The following SPTSSA variants were observed in gnomAD, a reference collection of about 807,000 sequenced individuals.
SPTSSA encodes small subunit of serine palmitoyltransferase A.
Under a neutral mutation model 9.1 loss-of-function variants are expected in SPTSSA, and 8 were observed. That is an observed-to-expected ratio of 0.88 (90% CI 0.51 to 1.58). The LOEUF (loss-of-function observed/expected upper bound fraction) is 1.58. SPTSSA is among the 40% of genes most tolerant of loss of function. The probability of loss-of-function intolerance (pLI) is 0.00; values close to 1 mark genes in which losing one functional copy is unlikely to be tolerated. For missense variants in SPTSSA, 100 were observed against 93.8 expected (o/e 1.07, Z -0.27); for synonymous variants, 42 against 37.7 (o/e 1.11, Z -0.41).
At chr14:34,457,837 G>A (rs1878514376) in intron 1 of SPTSSA, among the ~76,000 whole-genome samples, 1 of 151,832 alleles carries the variant, frequency 6.6e-6, no homozygotes, top group African/African-American at 2.4e-5. Flanking sequence ...GCTGGGCATG[G>A]TGGCACGGCC....
In SPTSSA at chr14:34,456,948, A is replaced by AATTATTATTATTATT. The variant is rs201859323; in HGVS notation, c.112+5133_112+5147dup. Among the ~76,000 whole-genome samples, 1,425 of 146,168 alleles carry AATTATTATTATTATT rather than the reference A, an allele frequency of 9.7e-3. 24 individuals carry two copies. Among genetic ancestry groups the AATTATTATTATTATT allele is most frequent in the African/African-American group, 0.032 (1,282 of 39,862 alleles). ...ATTAAAATAGCACACTTCTGATTCAAATTATTATTATTATTATTATTATTA... is the reference window on the plus strand; with the variant it reads ...ATTAAAATAGCACACTTCTGATTCAAATTATTATTATTATTATTATTATTATTATTATTATTATTA... On this transcript the variant is annotated intron_variant, in intron 1 of 1. Transcript: ENST00000298130.
chr14:34,451,740 C>CAAAAA (rs1883531094), intron 1 of SPTSSA, among the ~76,000 whole-genome samples: 1 of 142,788 alleles, frequency 7.0e-6, no homozygotes, highest in African/African-American at 2.6e-5. Context: ...AAAAAAAAAT[C>CAAAAA]AATTCTAAAA....
At chr14:34,456,220 G>A (rs1042730477) in intron 1 of SPTSSA, among the ~76,000 whole-genome samples, 2 of 151,984 alleles carry the variant, frequency 1.3e-5, no homozygotes, top group African/African-American at 4.8e-5. Flanking sequence ...TACTTGGGAG[G>A]CTGAGGCAGA....
At chr14:34,446,754 TTC>T (rs1484566658) in intron 1 of SPTSSA, among the ~76,000 whole-genome samples, 1 of 152,188 alleles carries the variant, frequency 6.6e-6, no homozygotes, top group African/African-American at 2.4e-5. Flanking sequence ...CTCTAGCACA[TTC>T]TACTTTAAAG....
rs112750660 is a variant in SPTSSA at position 34,460,287 on chromosome 14, C to A, written c.112+1809G>T. Among the ~76,000 whole-genome samples the A allele has an allele frequency of 7.4e-4, 113 of 151,954 alleles. 1 individual carries two copies. Among genetic ancestry groups the A allele is most frequent in the African/African-American group, 2.6e-3 (106 of 41,426 alleles). On this transcript the variant is annotated intron_variant, in intron 1 of 1. Coordinates refer to ENST00000298130, the MANE Select transcript of SPTSSA (RefSeq NM_138288.4). ...GAAATTTGAAATAAGATTTTTTTAT[C>A]TTAAGTTTAAAATCATAAGGTTCTA...
intron 1 of SPTSSA, among the ~76,000 whole-genome samples, chr14:34,458,993 C>T (rs1878554167): frequency 1.3e-5 from 2 of 151,276 alleles, no homozygotes. Context: ...CAACCTCCGC[C>T]TCCCGGGTTC....
At chr14:34,449,588 C>T (rs1883483469) in intron 1 of SPTSSA, among the ~76,000 whole-genome samples, 1 of 151,318 alleles carries the variant, frequency 6.6e-6, no homozygotes, top group Non-Finnish European at 1.5e-5. Flanking sequence ...CTGTAACCTC[C>T]ACCTCCCAGG....
At chr14:34,435,362 A>G in intron 1 of SPTSSA, 58 bp from the exon 2 acceptor site, 1 of 1,259,924 alleles carries the variant, frequency 7.9e-7, no homozygotes, top group Non-Finnish European at 1.1e-6. Context: ...AAATCTCCAC[A>G]TGTCTTCAAC....
At position 34,435,247 on chromosome 14, in the gene SPTSSA, G is replaced by A. The variant is rs1228147422; in HGVS notation, c.170C>T (p.Pro57Leu). Residue 57 changes from proline (P) to leucine (L), a missense_variant, in exon 2 of 2, where the codon CCC becomes CTC. Transcript: ENST00000298130. ...GTGCAATATCGCCATGATGTGCTGGGGCATGAAGACGTATCCTGTGTATAG... is the reference window on the plus strand; with the variant it reads ...GTGCAATATCGCCATGATGTGCTGGAGCATGAAGACGTATCCTGTGTATAG... ...MALYTGYVFM[P>L]QHIMAILHYF... 3 of 1,613,618 alleles carry A rather than the reference G, an allele frequency of 1.9e-6. No homozygotes were observed. The African/African-American group carries it at 4.0e-5, about 22-fold the overall frequency.
intron 1 of SPTSSA, among the ~76,000 whole-genome samples, chr14:34,448,968 C>T (rs1187578625): frequency 6.6e-6 from 1 of 151,936 alleles, no homozygotes; most frequent in East Asian, 1.9e-4. Context: ...CGGCTGTACT[C>T]CAGCCTGGAT....
At chr14:34,443,550 T>TGTGTGTGTGTGTGTGTGTGTGTGTGTG (rs1555314418) in intron 1 of SPTSSA, among the ~76,000 whole-genome samples, 5 of 91,036 alleles carry the variant, frequency 5.5e-5, no homozygotes, top group Admixed American at 1.2e-4. Flanking sequence ...TGTGTGTGTG[T>TGTGTGTGTGTGTGTGTGTGTGTGTGTG]TTTGAGATGG....
Position 34,443,134 on chromosome 14 carries a change from G to GGTGTGTGT in SPTSSA, c.113-7838_113-7831dup, listed in dbSNP as rs376742613. ...TTCAAGCGATTCTCCTGCTTCTAGG[G>GGTGTGTGT]GTGTGTGTGTGTGTGTGTGTGTGTG... is the stretch of plus-strand genomic sequence containing the variant. On this transcript the variant is annotated intron_variant, in intron 1 of 1. Transcript: ENST00000298130. 4.0e-3 allele frequency among the ~76,000 whole-genome samples: 147 copies of GGTGTGTGT among 36,974 alleles called. 18 individuals are homozygous for GGTGTGTGT. Among genetic ancestry groups the GGTGTGTGT allele is most frequent in the African/African-American group, 5.3e-3 (23 of 4,318 alleles). The allele number at this position is 36,974 out of a possible 152,430, so 24.3% of individuals were successfully genotyped here. A position where few individuals can be genotyped will look rare whatever the true frequency, so the allele number is the denominator to read the frequency against.
At chr14:34,461,600 C>G (rs1878615989) in intron 1 of SPTSSA, among the ~76,000 whole-genome samples, 1 of 152,180 alleles carries the variant, frequency 6.6e-6, no homozygotes, top group South Asian at 2.1e-4. Context: ...GAGTGTCATG[C>G]CTACAAATTC....
At chr14:34,446,667 C>T (rs1883427716) in intron 1 of SPTSSA, among the ~76,000 whole-genome samples, 1 of 152,150 alleles carries the variant, frequency 6.6e-6, no homozygotes, top group Non-Finnish European at 1.5e-5. Context: ...TCTAGAAGGG[C>T]ATCAGTTATT....
At chr14:34,445,449 C>T (rs577831449) in intron 1 of SPTSSA, among the ~76,000 whole-genome samples, 3 of 152,042 alleles carry the variant, frequency 2.0e-5, no homozygotes, top group Non-Finnish European at 4.4e-5. Flanking sequence ...TGCAGTGAAC[C>T]GAGATCACAC....
At chr14:34,457,679 G>C (rs1037663662) in intron 1 of SPTSSA, among the ~76,000 whole-genome samples, 3 of 152,188 alleles carry the variant, frequency 2.0e-5, no homozygotes, top group South Asian at 2.1e-4. Flanking sequence ...TCAGAAGACA[G>C]ATGGTAGCCC....
chr14:34,439,619 A>T (rs1359516706), intron 1 of SPTSSA, among the ~76,000 whole-genome samples: 1 of 152,232 alleles, frequency 6.6e-6, no homozygotes, highest in Admixed American at 6.5e-5. Flanking sequence ...ACTTGCAGTC[A>T]TATTACAAGA....
chr14:34,462,193 C>T lies in SPTSSA; in HGVS notation c.15G>A (p.Ala5=). 2.0e-6 allele frequency: 3 copies of T among 1,528,984 alleles called. No individual in the cohort carries two copies. The highest frequency in any genetic ancestry group is 2.6e-6 in the Non-Finnish European group (3 of 1,134,204). The allele number at this position is 1,528,984 out of a possible 1,614,324, so 94.7% of individuals were successfully genotyped here. MAGM[A]LARAWKQMSW... The stretch of plus-strand genomic sequence containing the variant: ...ACATCTGCTTCCAGGCCCGCGCCAG[C>T]GCCATCCCCGCCATGCGCCTCCCGC... Residue 5 remains alanine, a synonymous_variant, in exon 1 of 2, where the codon GCG becomes GCA. Coordinates refer to ENST00000298130, the MANE Select transcript of SPTSSA (RefSeq NM_138288.4).
intron 1 of SPTSSA, among the ~76,000 whole-genome samples, chr14:34,453,298 T>C (rs762541894): frequency 1.3e-5 from 2 of 152,220 alleles, no homozygotes; most frequent in Non-Finnish European, 2.9e-5. Flanking sequence ...TCAGCTGCTA[T>C]ACAGGCAGAA....
Sources: allele counts gnomAD v4.1 joint callset (sites outside exome capture counted in the v4.1 genomes callset), GRCh38; gene constraint gnomAD v4.1.1; transcripts MANE v1.5; gene names NCBI Gene and HGNC (gene_info 2026-07-23, HGNC 2026-07-21).